SYT16: variants seen among roughly 807,000 people sequenced by gnomAD.
The protein encoded by SYT16 is synaptotagmin 16, also known as synaptotagmin-16.
In SYT16, 42 loss-of-function variants were observed where a neutral mutation model predicts 61.4. That is an observed-to-expected ratio of 0.68 (90% CI 0.53 to 0.89). The LOEUF (loss-of-function observed/expected upper bound fraction) is 0.89. Among genes scored for constraint, SYT16 ranks in the 40% least tolerant of loss-of-function variants. SYT16 has a pLI of 0.00. For synonymous variants in SYT16, 314 were observed against 302.3 expected (o/e 1.04, Z -0.40); for missense variants, 804 against 807.3 (o/e 1.00, Z 0.05).
chr14:61,956,568 C>A (rs2050884985), intron 1 of SYT16, among the ~76,000 whole-genome samples: 1 of 151,928 alleles, frequency 6.6e-6, no homozygotes, highest in South Asian at 2.1e-4. Context: ...TGTTCTTTCC[C>A]AATTGCGTAC....
At chr14:61,858,930 C>T (rs1214224784) in intron 1 of SYT16, among the ~76,000 whole-genome samples, 1 of 151,188 alleles carries the variant, frequency 6.6e-6, no homozygotes, top group African/African-American at 2.4e-5. Context: ...TCTCGGCTCA[C>T]TGCAACCTCC....
intron 7 of SYT16, among the ~76,000 whole-genome samples, chr14:62,091,010 C>G (rs953264468): frequency 6.6e-6 from 1 of 152,154 alleles, no homozygotes. Flanking sequence ...CCCACCGGGT[C>G]CCTCCCACAA....
intron 3 of SYT16, among the ~76,000 whole-genome samples, chr14:62,044,562 T>C (rs778832889): frequency 1.3e-5 from 2 of 152,226 alleles, no homozygotes; most frequent in Non-Finnish European, 2.9e-5. Context: ...TTTGGTTTTC[T>C]GTTCCTGTGT....
intron 1 of SYT16, among the ~76,000 whole-genome samples, chr14:61,875,732 A>G (rs2047467111): frequency 6.6e-6 from 1 of 152,202 alleles, no homozygotes; most frequent in Non-Finnish European, 1.5e-5. Context: ...CCCAGGTGCC[A>G]TTGGTACCAA....
intron 1 of SYT16, among the ~76,000 whole-genome samples, chr14:61,837,860 A>G (rs1008418295): frequency 2.0e-5 from 3 of 152,220 alleles, no homozygotes; most frequent in African/African-American, 7.2e-5. Context: ...AGTATCCAGC[A>G]AAGCTGAAAT....
chr14:61,945,249 G>A (rs962992169), intron 1 of SYT16, among the ~76,000 whole-genome samples: 3 of 152,312 alleles, frequency 2.0e-5, no homozygotes, highest in South Asian at 2.1e-4. Context: ...ATGCTGGAAA[G>A]GATGTGGAGA....
intron 1 of SYT16, among the ~76,000 whole-genome samples, chr14:61,909,265 A>G (rs1000745656): frequency 6.6e-6 from 1 of 152,234 alleles, no homozygotes; most frequent in Non-Finnish European, 1.5e-5. Flanking sequence ...CATCATGTAT[A>G]GTGCATATAC....
intron 2 of SYT16, among the ~76,000 whole-genome samples, chr14:61,979,740 G>T (rs910935888): frequency 6.6e-6 from 1 of 152,128 alleles, no homozygotes; most frequent in African/African-American, 2.4e-5. Flanking sequence ...AAATTAGCTG[G>T]ACGTGGTGGC....
intron 3 of SYT16, among the ~76,000 whole-genome samples, chr14:62,008,041 C>CT (rs1248498832): frequency 1.3e-5 from 2 of 151,862 alleles, no homozygotes; most frequent in African/African-American, 4.8e-5. Flanking sequence ...TCAATAAGGT[C>CT]TTTTTTCATG....
chr14:61,901,981 C>A (rs770516552), intron 1 of SYT16, among the ~76,000 whole-genome samples: 1 of 151,986 alleles, frequency 6.6e-6, no homozygotes. Context: ...AGGCTGGTCT[C>A]TTAACTCCTA....
At chr14:62,023,717 A>C (rs1223953981) in intron 3 of SYT16, among the ~76,000 whole-genome samples, 1 of 152,170 alleles carries the variant, frequency 6.6e-6, no homozygotes, top group Non-Finnish European at 1.5e-5. Flanking sequence ...AATTTTGTTC[A>C]AACAATTGTG....
At chr14:61,966,085 C>T (rs757958804) in intron 1 of SYT16, among the ~76,000 whole-genome samples, 2 of 151,100 alleles carry the variant, frequency 1.3e-5, no homozygotes, top group Admixed American at 6.6e-5. Flanking sequence ...AATATTGGGA[C>T]TTACTTAAAA....
chr14:62,076,957 T>A (rs1354459578), intron 5 of SYT16, among the ~76,000 whole-genome samples: 1 of 152,220 alleles, frequency 6.6e-6, no homozygotes, highest in Non-Finnish European at 1.5e-5. Context: ...GACATCTCTG[T>A]GTGCTCCATT....
At chr14:61,986,156 T>C (rs1229529814) in intron 2 of SYT16, among the ~76,000 whole-genome samples, 2 of 151,580 alleles carry the variant, frequency 1.3e-5, no homozygotes, top group African/African-American at 4.8e-5. Context: ...AATCTCTTAA[T>C]GAAAAAAAAA....
chr14:61,872,312 G>A (rs966831519), intron 1 of SYT16, among the ~76,000 whole-genome samples: 1 of 151,974 alleles, frequency 6.6e-6, no homozygotes, highest in Non-Finnish European at 1.5e-5. Flanking sequence ...CATATAATGT[G>A]TAAAGATCAA....
intron 1 of SYT16, among the ~76,000 whole-genome samples, chr14:61,911,214 G>A (rs1260890255): frequency 1.3e-5 from 2 of 152,180 alleles, no homozygotes; most frequent in Non-Finnish European, 2.9e-5. Flanking sequence ...AATGGTTGCA[G>A]AGGTTGAATT....
rs912165660 is a variant in SYT16 at position 62,011,924 on chromosome 14, C to T, written c.523+15382C>T. Among the ~76,000 whole-genome samples, 543 of 86,652 alleles carry T rather than the reference C, an allele frequency of 6.3e-3. 13 individuals are homozygous for T. Among genetic ancestry groups the T allele is most frequent in the African/African-American group, 0.024 (510 of 20,968 alleles). The allele number at this position is 86,652 out of a possible 152,430, so 56.8% of individuals were successfully genotyped here. The stretch of plus-strand genomic sequence containing the variant: ...ACACACATATATATACACACACACA[C>T]ACATATATATATATATATTTGATGC... On this transcript the variant is annotated intron_variant, in intron 3 of 7. Coordinates refer to ENST00000683842, the MANE Select transcript of SYT16 (RefSeq NM_001367656.1).
chr14:62,048,156 C>G (rs183193768), intron 3 of SYT16, among the ~76,000 whole-genome samples: 2 of 152,278 alleles, frequency 1.3e-5, no homozygotes, highest in Middle Eastern at 6.8e-3. Flanking sequence ...ATTTCAGAAT[C>G]TGTTATTGGT....
At chr14:61,962,996 A>G (rs2051173529) in intron 1 of SYT16, among the ~76,000 whole-genome samples, 2 of 152,026 alleles carry the variant, frequency 1.3e-5, no homozygotes, top group Admixed American at 1.3e-4. Flanking sequence ...ATGTATCTCC[A>G]TTTCCTTAGG....
Sources: gnomAD v4.1 joint callset for allele counts (sites outside exome capture counted in the v4.1 genomes callset) on GRCh38, gnomAD v4.1.1 for gene constraint, MANE v1.5 for transcripts, NCBI Gene and HGNC (gene_info 2026-07-23, HGNC 2026-07-21) for gene names.